EPHA6: variants seen among roughly 807,000 people sequenced by gnomAD.
The protein encoded by EPHA6 is ephrin type-A receptor 6.
In EPHA6, 50 loss-of-function variants were observed where a neutral mutation model predicts 112.0. The ratio of observed to expected loss-of-function variants is 0.45; its 90% CI spans 0.36 to 0.56. The LOEUF (loss-of-function observed/expected upper bound fraction) is 0.56. EPHA6 is among the 20% of genes least tolerant of loss of function. The pLI is 0.00. For missense variants in EPHA6, 1,280 were observed against 1,417.4 expected (o/e 0.90, Z 1.56); for synonymous variants, 529 against 490.7 (o/e 1.08, Z -1.03).
At chr3:97,606,433 T>C (rs142726262) in intron 12 of EPHA6, among the ~76,000 whole-genome samples, 1 of 151,250 alleles carries the variant, frequency 6.6e-6, no homozygotes, top group African/African-American at 2.4e-5. Flanking sequence ...TAGAACTTCA[T>C]AACTTATGAA....
intron 10 of EPHA6, among the ~76,000 whole-genome samples, chr3:97,487,676 CT>C (rs910546431): frequency 4.6e-5 from 7 of 152,022 alleles, no homozygotes; most frequent in African/African-American, 1.7e-4. Flanking sequence ...TTCTAGGGTA[CT>C]TTTTTTGTGT....
intron 4 of EPHA6, among the ~76,000 whole-genome samples, chr3:97,231,102 C>T (rs1296899229): frequency 1.3e-5 from 2 of 152,084 alleles, no homozygotes; most frequent in Non-Finnish European, 2.9e-5. Context: ...TTCTGGTCTC[C>T]TATAGCCATA....
intron 1 of EPHA6, among the ~76,000 whole-genome samples, chr3:96,822,466 C>A (rs577853686): frequency 1.3e-5 from 2 of 151,800 alleles, no homozygotes; most frequent in East Asian, 3.9e-4. Context: ...TATTTGGTGA[C>A]CTGTGCTTGA....
chr3:97,730,853 T>A (rs2035002283), intron 15 of EPHA6, among the ~76,000 whole-genome samples: 1 of 152,134 alleles, frequency 6.6e-6, no homozygotes, highest in Admixed American at 6.6e-5. Context: ...CAGTCGCTGC[T>A]CTGGAGGAGC....
intron 11 of EPHA6, among the ~76,000 whole-genome samples, chr3:97,548,214 G>A (rs759748994): frequency 1.3e-5 from 2 of 151,884 alleles, no homozygotes; most frequent in African/African-American, 2.4e-5. Context: ...GCTCCTCCTG[G>A]GTGTGTCTTG....
chr3:96,955,538 A>G (rs1255863904), intron 2 of EPHA6, among the ~76,000 whole-genome samples: 1 of 152,124 alleles, frequency 6.6e-6, no homozygotes, highest in Non-Finnish European at 1.5e-5. Context: ...TAATATTTGT[A>G]CTCTTAGTGT....
chr3:96,917,510 G>GA (rs886991791), intron 2 of EPHA6, among the ~76,000 whole-genome samples: 51 of 151,070 alleles, frequency 3.4e-4, no homozygotes, highest in African/African-American at 1.2e-3. Context: ...CAATGCTGTG[G>GA]AAAAAAAATA....
chr3:97,227,460 A>G (rs1455810836), intron 4 of EPHA6, among the ~76,000 whole-genome samples: 1 of 152,190 alleles, frequency 6.6e-6, no homozygotes, highest in African/African-American at 2.4e-5. Context: ...ACCTCAGGTG[A>G]TCCACCTGCC....
intron 11 of EPHA6, among the ~76,000 whole-genome samples, chr3:97,550,230 G>T (rs1007180654): frequency 4.6e-5 from 7 of 152,310 alleles, no homozygotes; most frequent in Admixed American, 6.5e-5. Context: ...GAACCCTAAA[G>T]TCTTGAGCAT....
intron 14 of EPHA6, among the ~76,000 whole-genome samples, chr3:97,697,343 C>T (rs2033105563): frequency 2.0e-5 from 3 of 152,132 alleles, no homozygotes; most frequent in Admixed American, 2.0e-4. Flanking sequence ...TAGTTTTTCT[C>T]TCCTTGGCCT....
At chr3:97,547,343 C>A (rs1354402928) in intron 11 of EPHA6, among the ~76,000 whole-genome samples, 1 of 152,192 alleles carries the variant, frequency 6.6e-6, no homozygotes, top group Admixed American at 6.5e-5. Context: ...CAGACCCTGT[C>A]TCCCTGGGTT....
intron 4 of EPHA6, among the ~76,000 whole-genome samples, chr3:97,230,878 T>C (rs1470041503): frequency 2.0e-5 from 3 of 152,168 alleles, no homozygotes; most frequent in African/African-American, 4.8e-5. Context: ...GCCTTCTTCA[T>C]GGATAAGAGT....
rs915681811 is a variant in EPHA6, at chr3:96,972,119, C to T, written c.451-15211C>T. Among the ~76,000 whole-genome samples, 3 of 151,932 alleles carry T rather than the reference C, an allele frequency of 2.0e-5. No homozygotes were observed. The East Asian group carries it at 5.8e-4, about 29-fold the overall frequency. On this transcript the variant is annotated intron_variant, in intron 2 of 17. Transcript: ENST00000389672. The stretch of plus-strand genomic sequence containing the variant: ...AGTGTAATGCTAGCTAATTTAAAAA[C>T]GCATTTAGTCTTTTGGATTCTATAT...
intron 11 of EPHA6, among the ~76,000 whole-genome samples, chr3:97,568,342 G>A (rs2093293952): frequency 6.6e-6 from 1 of 152,140 alleles, no homozygotes; most frequent in Non-Finnish European, 1.5e-5. Context: ...TGCCGTAGGA[G>A]TGATCTTTAT....
intron 14 of EPHA6, among the ~76,000 whole-genome samples, chr3:97,651,887 G>T (rs2094109683): frequency 6.6e-6 from 1 of 151,898 alleles, no homozygotes. Context: ...TTATGTGCAG[G>T]TTTGTTGCAT....
rs1381317397 is a variant in EPHA6, at chr3:97,240,926, AAC to A, written c.1271-3022_1271-3021del. Among the ~76,000 whole-genome samples the A allele has an allele frequency of 4.6e-5, 7 of 151,952 alleles. No homozygotes were observed. The East Asian group carries it at 9.7e-4, about 21-fold the overall frequency. ...GGATTGCATAGGACATATTTTGGGA[AAC>A]ACAGTTATGTTTAAAAACAATTTAC... On this transcript the variant is annotated intron_variant, in intron 4 of 17. Coordinates refer to ENST00000389672, the MANE Select transcript of EPHA6 (RefSeq NM_001080448.3).
intron 3 of EPHA6, among the ~76,000 whole-genome samples, chr3:97,147,291 G>A (rs1319973931): frequency 6.6e-6 from 1 of 151,986 alleles, no homozygotes; most frequent in Non-Finnish European, 1.5e-5. Flanking sequence ...CATGAATGTC[G>A]GCCTTTGGAG....
chr3:96,958,792 T>G (rs1176500448), intron 2 of EPHA6, among the ~76,000 whole-genome samples: 3 of 152,204 alleles, frequency 2.0e-5, no homozygotes, highest in Admixed American at 1.3e-4. Flanking sequence ...TGATGAGAGA[T>G]TCTTTCTACT....
chr3:96,854,437 T>G (rs1255477372), intron 1 of EPHA6, among the ~76,000 whole-genome samples: 1 of 151,920 alleles, frequency 6.6e-6, no homozygotes. Context: ...TCTATAAGCC[T>G]GAAATCTAAA....
Sources: gnomAD v4.1 joint callset for allele counts (sites outside exome capture counted in the v4.1 genomes callset) on GRCh38, gnomAD v4.1.1 for gene constraint, MANE v1.5 for transcripts, NCBI Gene and HGNC (gene_info 2026-07-23, HGNC 2026-07-21) for gene names.